The following MTUS2 variants were observed in gnomAD, a reference collection of about 807,000 sequenced individuals.
MTUS2 encodes the protein microtubule-associated tumor suppressor candidate 2.
Under a neutral mutation model 114.1 loss-of-function variants are expected in MTUS2, and 40 were observed. The observed-to-expected ratio is 0.35, with a 90% CI of 0.27 to 0.46. The LOEUF is 0.46. Ranked by LOEUF, MTUS2 falls within the 20% of genes least tolerant of loss-of-function variation. The probability of loss-of-function intolerance (pLI) is 1.00; values close to 1 mark genes in which losing one functional copy is unlikely to be tolerated. For missense variants in MTUS2, 1,679 were observed against 1,705.4 expected (o/e 0.98, Z 0.27); for synonymous variants, 688 against 672.0 (o/e 1.02, Z -0.37).
At chr13:29,331,064 A>G (rs919876519) in intron 7 of MTUS2, among the ~76,000 whole-genome samples, 2 of 152,172 alleles carry the variant, frequency 1.3e-5, no homozygotes, top group Non-Finnish European at 2.9e-5. Flanking sequence ...CTTTCTGTCC[A>G]TGAGCATGGA....
intron 4 of MTUS2, among the ~76,000 whole-genome samples, chr13:29,067,492 G>T (rs1888716107): frequency 6.6e-6 from 1 of 152,186 alleles, no homozygotes; most frequent in African/African-American, 2.4e-5. Context: ...GAAGCAGTTG[G>T]TGACCTAGTT....
At chr13:29,329,501 G>A (rs865977746) in intron 7 of MTUS2, among the ~76,000 whole-genome samples, 2 of 151,962 alleles carry the variant, frequency 1.3e-5, no homozygotes, top group South Asian at 4.1e-4. Context: ...AGTATTCCAT[G>A]GTGTATATGT....
At chr13:28,831,906 G>A (rs1400682737) in intron 1 of MTUS2, among the ~76,000 whole-genome samples, 1 of 151,794 alleles carries the variant, frequency 6.6e-6, no homozygotes, top group African/African-American at 2.4e-5. Context: ...ACAGGTGCAT[G>A]CCACCATGCC....
intron 8 of MTUS2, among the ~76,000 whole-genome samples, chr13:29,363,394 CAT>C (rs1370587731): frequency 1.3e-5 from 2 of 152,060 alleles, no homozygotes; most frequent in Non-Finnish European, 1.5e-5. Context: ...AATTTTTTTA[CAT>C]GTTATTAAAT....
At chr13:28,836,477 A>G (rs1875094068) in intron 1 of MTUS2, among the ~76,000 whole-genome samples, 1 of 152,236 alleles carries the variant, frequency 6.6e-6, no homozygotes, top group Admixed American at 6.5e-5. Context: ...CTGTTCTCAA[A>G]AAATCATAGT....
At chr13:29,060,301 T>G (rs1888350628) in intron 4 of MTUS2, among the ~76,000 whole-genome samples, 2 of 151,904 alleles carry the variant, frequency 1.3e-5, no homozygotes, top group Admixed American at 1.3e-4. Flanking sequence ...AGCATAGGGG[T>G]GGGGCGGGGT....
chr13:29,052,686 T>C (rs1349319498), intron 4 of MTUS2, among the ~76,000 whole-genome samples: 2 of 152,222 alleles, frequency 1.3e-5, no homozygotes, highest in African/African-American at 4.8e-5. Flanking sequence ...AGAGTTACTC[T>C]GACATGCTTC....
chr13:29,044,189 T>C (rs542416151), intron 4 of MTUS2, among the ~76,000 whole-genome samples: 13 of 151,356 alleles, frequency 8.6e-5, no homozygotes, highest in African/African-American at 2.9e-4. Flanking sequence ...ACCTATACTT[T>C]TGATAAATAT....
At chr13:29,067,985 AT>A (rs1474820635) in intron 4 of MTUS2, among the ~76,000 whole-genome samples, 2 of 152,294 alleles carry the variant, frequency 1.3e-5, no homozygotes, top group South Asian at 4.1e-4. Context: ...CCACTTCACT[AT>A]TTTTTACCAC....
intron 11 of MTUS2, among the ~76,000 whole-genome samples, chr13:29,490,928 G>A (rs1238842262): frequency 6.6e-6 from 1 of 152,026 alleles, no homozygotes; most frequent in Non-Finnish European, 1.5e-5. Flanking sequence ...AATGAATAAC[G>A]TGAACAAAGG....
chr13:29,398,747 T>A (rs11840307), intron 8 of MTUS2, among the ~76,000 whole-genome samples: 3,323 of 152,112 alleles, frequency 0.022, 121 homozygotes, highest in African/African-American at 0.076. Flanking sequence ...ACAATTTTTT[T>A]AAAAAATCAC....
At chr13:28,920,277 T>A (rs1880970527) in intron 2 of MTUS2, among the ~76,000 whole-genome samples, 1 of 152,246 alleles carries the variant, frequency 6.6e-6, no homozygotes, top group Admixed American at 6.5e-5. Flanking sequence ...CAAAAGGACT[T>A]GGGCCTCAAA....
At chr13:29,457,028 C>T (rs542333639) in intron 9 of MTUS2, among the ~76,000 whole-genome samples, 163 of 151,334 alleles carry the variant, frequency 1.1e-3, no homozygotes, top group Non-Finnish European at 1.7e-3. Flanking sequence ...ACCTGTAGTC[C>T]CAGCTACTCG....
At chr13:29,317,956 A>T (rs1900077912) in intron 6 of MTUS2, among the ~76,000 whole-genome samples, 1 of 152,102 alleles carries the variant, frequency 6.6e-6, no homozygotes, top group South Asian at 2.1e-4. Flanking sequence ...AGTGATTATC[A>T]TCACTTGCGT....
intron 5 of MTUS2, among the ~76,000 whole-genome samples, chr13:29,122,028 C>T (rs904989485): frequency 6.6e-6 from 1 of 152,120 alleles, no homozygotes; most frequent in Non-Finnish European, 1.5e-5. Context: ...ATTGAGGTTC[C>T]TTGTAGGCTA....
chr13:29,026,445 A>T lies in MTUS2; in HGVS notation c.1747A>T (p.Thr583Ser). The change falls in exon 3 of 16, where the codon ACG becomes TCG. Residue 583 changes from threonine (T) to serine (S), a missense_variant. Around this residue, in one of 3 missense-constraint regions of MTUS2, gnomAD observed 843 missense variants for 770.8 expected, o/e 1.09. Coordinates refer to ENST00000612955, the MANE Select transcript of MTUS2 (RefSeq NM_001033602.4). ...TACTGATAGTGCACGCTTGTTGAAC[A>T]CGTCCCCCAAAGTGCCTGACAAGAA... ...PPTDSARLLN[T>S]SPKVPDKNTC... is the part of the protein sequence containing the mutation. 6.2e-7 allele frequency: 1 copy of T among 1,613,958 alleles called. No homozygotes were observed. Among genetic ancestry groups the T allele is most frequent in the South Asian group, 1.1e-5 (1 of 91,068 alleles).
At chr13:29,405,321 A>C in intron 8 of MTUS2, among the ~76,000 whole-genome samples, 1 of 152,236 alleles carries the variant, frequency 6.6e-6, no homozygotes, top group East Asian at 1.9e-4. Context: ...ACTAAACAGC[A>C]TTCTTCAACT....
intron 5 of MTUS2, among the ~76,000 whole-genome samples, chr13:29,191,536 A>G (rs1894449589): frequency 6.6e-6 from 1 of 152,022 alleles, no homozygotes; most frequent in African/African-American, 2.4e-5. Context: ...GTGTTTGTGA[A>G]GGAGAGCCAC....
chr13:29,214,316 G>A, intron 5 of MTUS2, among the ~76,000 whole-genome samples: 1 of 151,632 alleles, frequency 6.6e-6, no homozygotes, highest in East Asian at 1.9e-4. Context: ...TTTCCAATTT[G>A]CCCCAGTCTC....
Sources: allele counts gnomAD v4.1 joint callset (sites outside exome capture counted in the v4.1 genomes callset), GRCh38; gene constraint gnomAD v4.1.1; regional missense constraint gnomAD v4.1.1; transcripts MANE v1.5; gene names NCBI Gene and HGNC (gene_info 2026-07-23, HGNC 2026-07-21).